The following GRAMD2B variants were observed in gnomAD, a reference collection of about 807,000 sequenced individuals.
GRAMD2B encodes the protein GRAM domain containing 2B.
A neutral mutation model predicts 59.2 loss-of-function variants in GRAMD2B; 41 were observed. The observed-to-expected ratio is 0.69, with a 90% CI of 0.54 to 0.90. The LOEUF (loss-of-function observed/expected upper bound fraction) is 0.90. Among genes scored for constraint, GRAMD2B ranks in the 40% least tolerant of loss-of-function variants. GRAMD2B has a pLI of 0.00. For missense variants in GRAMD2B, 424 were observed against 500.5 expected (o/e 0.85, Z 1.46); for synonymous variants, 161 against 182.7 (o/e 0.88, Z 0.96).
intron 2 of GRAMD2B, among the ~76,000 whole-genome samples, chr5:126,468,176 C>G (rs1345939808): frequency 6.6e-6 from 1 of 152,188 alleles, no homozygotes; most frequent in African/African-American, 2.4e-5. Context: ...TTTGAAATGA[C>G]TGCGTTTAGC....
chr5:126,473,813 AT>A (rs1389640086), intron 5 of GRAMD2B, among the ~76,000 whole-genome samples: 2 of 152,180 alleles, frequency 1.3e-5, no homozygotes, highest in African/African-American at 2.4e-5. Flanking sequence ...AGGCCTATAA[AT>A]AAGCTACTTA....
intron 3 of GRAMD2B, among the ~76,000 whole-genome samples, chr5:126,471,846 T>C (rs1769648789): frequency 6.6e-6 from 1 of 152,208 alleles, no homozygotes; most frequent in Admixed American, 6.5e-5. Flanking sequence ...TTTACCTGAC[T>C]ACAAAGCTTT....
At chr5:126,433,185 T>C (rs1218991159) in intron 1 of GRAMD2B, among the ~76,000 whole-genome samples, 1 of 152,226 alleles carries the variant, frequency 6.6e-6, no homozygotes, top group South Asian at 2.1e-4. Flanking sequence ...ATCATTGCTA[T>C]TCATTAGACA....
intron 1 of GRAMD2B, among the ~76,000 whole-genome samples, chr5:126,414,784 C>T (rs539833375): frequency 6.6e-6 from 1 of 152,164 alleles, no homozygotes; most frequent in East Asian, 1.9e-4. Flanking sequence ...TGCTTTTAAA[C>T]GTAGAAGCTA....
At chr5:126,467,570 A>G (rs1249154338) in intron 2 of GRAMD2B, 4 of 152,304 alleles carry the variant, frequency 2.6e-5, no homozygotes, top group Admixed American at 6.5e-5. Context: ...AGGTCGGATC[A>G]TTTCCTTGCC....
chr5:126,387,309 C>T (rs1184255993), intron 1 of GRAMD2B, among the ~76,000 whole-genome samples: 4 of 151,360 alleles, frequency 2.6e-5, no homozygotes, highest in South Asian at 2.1e-4. Context: ...TATAAAAAGA[C>T]AAGTTCTGTC....
intron 8 of GRAMD2B, among the ~76,000 whole-genome samples, chr5:126,481,210 AGAAAGAAAGAAAGAAAGAAAGAAAG>A (rs1771728821): frequency 2.5e-4 from 3 of 12,122 alleles, no homozygotes; most frequent in African/African-American, 4.8e-4. Context: ...AAAAAAAGAA[AGAAAGAAAGAAAGAAAGAAAGAAAG>A]AAAGAAAGAA....
At chr5:126,397,926 T>C (rs1424110361) in intron 1 of GRAMD2B, among the ~76,000 whole-genome samples, 1 of 151,990 alleles carries the variant, frequency 6.6e-6, no homozygotes, top group Non-Finnish European at 1.5e-5. Context: ...TTTGGAAAAA[T>C]TTAAGATGGA....
intron 6 of GRAMD2B, among the ~76,000 whole-genome samples, chr5:126,479,500 C>CA (rs1161096037): frequency 6.6e-6 from 1 of 152,220 alleles, no homozygotes; most frequent in Non-Finnish European, 1.5e-5. Flanking sequence ...TCCTCCTTGT[C>CA]AGGCCATGCA....
At chr5:126,409,335 C>G (rs1371833812) in intron 1 of GRAMD2B, among the ~76,000 whole-genome samples, 2 of 152,190 alleles carry the variant, frequency 1.3e-5, no homozygotes, top group African/African-American at 4.8e-5. Flanking sequence ...TTCTCCACAT[C>G]CTCTCCAGCA....
At chr5:126,377,425 C>T (rs1755287807) in intron 1 of GRAMD2B, among the ~76,000 whole-genome samples, 1 of 152,080 alleles carries the variant, frequency 6.6e-6, no homozygotes, top group Admixed American at 6.5e-5. Context: ...CTGGGAGGGC[C>T]ACTGGTAAGG....
At chr5:126,467,982 A>G (rs1768779980) in intron 2 of GRAMD2B, among the ~76,000 whole-genome samples, 1 of 152,200 alleles carries the variant, frequency 6.6e-6, no homozygotes, top group Non-Finnish European at 1.5e-5. Context: ...TACCACCTGA[A>G]TTACTTCAGA....
intron 2 of GRAMD2B, among the ~76,000 whole-genome samples, 155 bp downstream of exon 2, chr5:126,465,700 G>A (rs1768209828): frequency 6.6e-6 from 1 of 152,152 alleles, no homozygotes; most frequent in South Asian, 2.1e-4. Flanking sequence ...CTGATACCCA[G>A]GTAGCATCTT....
chr5:126,374,357 T>G (rs1170672888), intron 1 of GRAMD2B, among the ~76,000 whole-genome samples: 1 of 152,204 alleles, frequency 6.6e-6, no homozygotes, highest in African/African-American at 2.4e-5. Context: ...TTTTTTTGTT[T>G]TCTCTTCTAT....
chr5:126,464,089 A>G (rs548997360), intron 1 of GRAMD2B, among the ~76,000 whole-genome samples: 2 of 152,202 alleles, frequency 1.3e-5, no homozygotes, highest in South Asian at 4.1e-4. Context: ...CCCTTGTCAG[A>G]TATACTGGCC....
intron 1 of GRAMD2B, among the ~76,000 whole-genome samples, chr5:126,377,157 TC>T (rs1315833541): frequency 2.2e-4 from 33 of 148,220 alleles, no homozygotes; most frequent in Non-Finnish European, 1.5e-5. Flanking sequence ...ATGCTGGAAG[TC>T]CTCTTTGATG....
chr5:126,471,068 AG>A (rs1216739948), intron 3 of GRAMD2B, among the ~76,000 whole-genome samples: 1 of 152,202 alleles, frequency 6.6e-6, no homozygotes, highest in Non-Finnish European at 1.5e-5. Context: ...TCTGTAAAAT[AG>A]TTGACTTGCA....
chr5:126,421,690 T>C (rs547512638), upstream of GRAMD2B, among the ~76,000 whole-genome samples: 27 of 152,336 alleles, frequency 1.8e-4, no homozygotes, highest in African/African-American at 4.8e-4. Flanking sequence ...AAAGATGCTT[T>C]TGTTCTCTCA....
At chr5:126,467,224 G>A (rs28608659) in intron 2 of GRAMD2B, among the ~76,000 whole-genome samples, 7,928 of 152,158 alleles carry the variant, frequency 0.052, 347 homozygotes, top group East Asian at 0.13. Flanking sequence ...GCAGTAAGCC[G>A]AGATTGTGCC....
Sources: allele counts gnomAD v4.1 joint callset (sites outside exome capture counted in the v4.1 genomes callset), GRCh38; gene constraint gnomAD v4.1.1; transcripts MANE v1.5; gene names NCBI Gene and HGNC (gene_info 2026-07-23, HGNC 2026-07-21).